Variants in ACOXL observed in about 807,000 individuals in gnomAD.
ACOXL encodes the protein acyl-CoA oxidase like, also known as acyl-coenzyme A oxidase-like protein.
ACOXL carries 70 observed loss-of-function variants against 71.9 expected under a neutral mutation model. The ratio of observed to expected loss-of-function variants is 0.97; its 90% CI spans 0.80 to 1.19. ACOXL has a LOEUF of 1.19. Ranked by LOEUF, ACOXL falls within the 50% of genes most tolerant of loss-of-function variation. The pLI is 0.00. For synonymous variants in ACOXL, 253 were observed against 281.6 expected, an observed-to-expected ratio of 0.90 and a Z score of 1.02; for missense variants, 703 against 736.3, an observed-to-expected ratio of 0.95 and a Z score of 0.52.
chr2:110,805,674 G>A (rs887401801), intron 9 of ACOXL, among the ~76,000 whole-genome samples: 2 of 152,240 alleles, frequency 1.3e-5, no homozygotes, highest in African/African-American at 4.8e-5. Context: ...AGATGACCAG[G>A]GAGAACGGGA....
chr2:110,964,675 A>G (rs1484951076), intron 12 of ACOXL, among the ~76,000 whole-genome samples: 2 of 152,164 alleles, frequency 1.3e-5, no homozygotes, highest in Non-Finnish European at 2.9e-5. Context: ...CTGCAACATA[A>G]TTTTTGTTTG....
intron 12 of ACOXL, among the ~76,000 whole-genome samples, chr2:110,966,207 G>T (rs1057496865): frequency 1.3e-5 from 2 of 152,084 alleles, no homozygotes; most frequent in African/African-American, 4.8e-5. Context: ...GGAAACAGGT[G>T]GTGCTCAGAT....
chr2:110,919,272 T>G (rs548158630), intron 11 of ACOXL, among the ~76,000 whole-genome samples: 1 of 152,246 alleles, frequency 6.6e-6, no homozygotes, highest in African/African-American at 2.4e-5. Flanking sequence ...TGGATGAAGC[T>G]GGAAACCATC....
chr2:111,035,112 C>T (rs1388208473), intron 15 of ACOXL, among the ~76,000 whole-genome samples: 2 of 152,014 alleles, frequency 1.3e-5, no homozygotes, highest in Non-Finnish European at 2.9e-5. Context: ...GTGATCTGCC[C>T]ACCTCGGCCT....
rs1170204155 is a variant in ACOXL, at chr2:110,915,376, GTGTGTA to G, written c.905+6475_905+6480del. Among the ~76,000 whole-genome samples the G allele has an allele frequency of 2.1e-5, 3 of 144,694 alleles. No individual in the cohort carries two copies. The South Asian group carries it at 6.5e-4, about 31-fold the overall frequency. The allele number at this position is 144,694 out of a possible 152,430, so 94.9% of individuals were successfully genotyped here. ...TGTGTGTGTGTGTGTGTGTGTGTGTGTGTGTATGTATGTGTGTGTGTGTGTATATAC... is the reference window on the plus strand; with the variant it reads ...TGTGTGTGTGTGTGTGTGTGTGTGTGTGTATGTGTGTGTGTGTGTATATAC... On this transcript the variant is annotated intron_variant, in intron 11 of 17. Transcript: ENST00000439055.
intron 12 of ACOXL, among the ~76,000 whole-genome samples, chr2:110,986,425 C>T (rs577277930): frequency 9.2e-5 from 14 of 152,172 alleles, no homozygotes; most frequent in African/African-American, 1.7e-4. Flanking sequence ...GCTCACACGA[C>T]GTGGTTTTTC....
At chr2:110,952,549 A>C (rs2061367761) in intron 12 of ACOXL, among the ~76,000 whole-genome samples, 1 of 151,636 alleles carries the variant, frequency 6.6e-6, no homozygotes, top group Non-Finnish European at 1.5e-5. Flanking sequence ...GGCTCAAGAG[A>C]TCCTCCCTCA....
At chr2:110,838,311 C>A (rs1351659238) in intron 9 of ACOXL, among the ~76,000 whole-genome samples, 1 of 152,088 alleles carries the variant, frequency 6.6e-6, no homozygotes, top group Non-Finnish European at 1.5e-5. Flanking sequence ...CATATGTGCA[C>A]TAGTGTGCAT....
In ACOXL at chr2:111,117,978, G is replaced by C; in HGVS notation, c.*162G>C. ...GGTCCCGCCGAGGCTGGCGAGGTGCGCGGCTGGCTGCTAGGAAAGAGATCC... is the reference window on the plus strand; with the variant it reads ...GGTCCCGCCGAGGCTGGCGAGGTGCCCGGCTGGCTGCTAGGAAAGAGATCC... On this transcript the variant is annotated 3_prime_UTR_variant, in exon 18 of 18. Coordinates refer to ENST00000439055, the MANE Select transcript of ACOXL (RefSeq NM_001142807.4). 1.2e-6 allele frequency: 1 copy of C among 810,014 alleles called. No individual in the cohort carries two copies. Among genetic ancestry groups the C allele is most frequent in the Non-Finnish European group, 1.9e-6 (1 of 528,754 alleles). The allele number at this position is 810,014 out of a possible 1,614,324, so 50.2% of individuals were successfully genotyped here.
At chr2:110,856,816 A>G (rs565908145) in intron 10 of ACOXL, among the ~76,000 whole-genome samples, 53 of 152,320 alleles carry the variant, frequency 3.5e-4, no homozygotes, top group African/African-American at 1.2e-3. Flanking sequence ...AGGGGGACCT[A>G]CTGTAAAAGC....
In ACOXL at chr2:111,118,143, G is replaced by T; in HGVS notation, c.*327G>T. ...CCCGCTGCGAGCGCGCCCCACAGCC[G>T]GGTGCCGCCAAAGGTCTCCTGCTGT... On this transcript the variant is annotated 3_prime_UTR_variant, in exon 18 of 18. Coordinates refer to ENST00000439055, the MANE Select transcript of ACOXL (RefSeq NM_001142807.4). 1 of 457,868 alleles carries T rather than the reference G, an allele frequency of 2.2e-6. No individual in the cohort carries two copies. The highest frequency in any genetic ancestry group is 3.9e-6 in the Non-Finnish European group (1 of 255,466). 28.4% of individuals were successfully genotyped at this position (457,868 alleles called of 1,614,324 possible).
intron 1 of ACOXL, among the ~76,000 whole-genome samples, chr2:110,748,148 G>C (rs1330617421): frequency 6.6e-6 from 1 of 152,196 alleles, no homozygotes; most frequent in Non-Finnish European, 1.5e-5. Context: ...GGACACTCCT[G>C]CTCCTCTGTC....
intron 10 of ACOXL, among the ~76,000 whole-genome samples, chr2:110,881,236 G>GT (rs1696603559): frequency 1.3e-5 from 2 of 151,680 alleles, no homozygotes; most frequent in Non-Finnish European, 2.9e-5. Flanking sequence ...TTGCTTCAGG[G>GT]TTTTCTAGTG....
chr2:110,807,403 G>T (rs1004170867), intron 9 of ACOXL, among the ~76,000 whole-genome samples: 1 of 152,188 alleles, frequency 6.6e-6, no homozygotes, highest in Non-Finnish European at 1.5e-5. Context: ...TGCTGCTGCC[G>T]TTACTGGGAA....
At chr2:110,815,138 G>C (rs1049445267) in intron 9 of ACOXL, among the ~76,000 whole-genome samples, 1 of 152,304 alleles carries the variant, frequency 6.6e-6, no homozygotes, top group East Asian at 1.9e-4. Context: ...AAGGAGAAGT[G>C]CTGAGCAAAA....
At chr2:111,071,783 C>T (rs1003310543) in intron 16 of ACOXL, among the ~76,000 whole-genome samples, 4 of 152,198 alleles carry the variant, frequency 2.6e-5, no homozygotes, top group East Asian at 3.8e-4. Context: ...AAACTCCCTT[C>T]GTTCTGTTGT....
intron 10 of ACOXL, among the ~76,000 whole-genome samples, chr2:110,894,250 T>G (rs1329508731): frequency 6.6e-6 from 1 of 150,908 alleles, no homozygotes. Context: ...AATAGAGAGC[T>G]CTCTGGTTTT....
Position 110,799,018 on chromosome 2 carries a change from CCA to C in ACOXL, c.467_468del (p.His156LeufsTer9). ...LIIDGRSQGPHCFIVPVRDEN... is the reference protein window; with the variant it reads ...LIIDGRSQGPXCFIVPVRDEN... ...TGATCTCGATGCCTTCCTTAGGGCC[CCA>C]CTGTTTCATCGTTCCTGTCCGGGAT... On this transcript the variant is annotated frameshift_variant, in exon 7 of 18. Coordinates refer to ENST00000439055, the MANE Select transcript of ACOXL (RefSeq NM_001142807.4). LOFTEE classifies it high-confidence loss of function. 1 of 1,613,912 alleles carries C rather than the reference CCA, an allele frequency of 6.2e-7. No homozygotes were observed. The highest frequency in any genetic ancestry group is 1.1e-5 in the South Asian group (1 of 91,060).
chr2:110,979,466 G>A (rs775670729), intron 12 of ACOXL, among the ~76,000 whole-genome samples: 14 of 152,284 alleles, frequency 9.2e-5, no homozygotes, highest in South Asian at 2.1e-4. Flanking sequence ...GACGGTGCCC[G>A]TGGCCCAGCT....
Sources: gnomAD v4.1 joint callset for allele counts (sites outside exome capture counted in the v4.1 genomes callset) on GRCh38, gnomAD v4.1.1 for gene constraint, MANE v1.5 for transcripts, NCBI Gene and HGNC (gene_info 2026-07-23, HGNC 2026-07-21) for gene names.